Variants in HMGA2 observed in about 807,000 individuals in gnomAD.
The protein encoded by HMGA2 is high mobility group protein HMGI-C.
In HMGA2, 8 loss-of-function variants were observed where a neutral mutation model predicts 19.1. That is an observed-to-expected ratio of 0.42 (90% CI 0.25 to 0.76). The LOEUF is 0.76. Among genes scored for constraint, HMGA2 ranks in the 30% least tolerant of loss-of-function variants. The pLI is 0.28. For synonymous variants in HMGA2, 60 were observed against 48.8 expected (o/e 1.23, Z -0.96); for missense variants, 109 against 136.3 (o/e 0.80, Z 1.00).
intron 3 of HMGA2, among the ~76,000 whole-genome samples, chr12:65,931,551 TTGTGTGTGTGTGTGTGTGTG>T (rs60877869): frequency 1.4e-5 from 2 of 144,148 alleles, no homozygotes; most frequent in Non-Finnish European, 3.1e-5. Flanking sequence ...TTATAGATGT[TTGTGTGTGTGTGTGTGTGTG>T]TGTGTGTGTG....
At chr12:65,869,887 GTCAGACTCTAAAGT>G (rs1872619413) in intron 3 of HMGA2, among the ~76,000 whole-genome samples, 1 of 152,258 alleles carries the variant, frequency 6.6e-6, no homozygotes, top group East Asian at 1.9e-4. Flanking sequence ...ACCCAGGTTT[GTCAGACTCTAAAGT>G]CCATGATTTT....
rs1870141820 is a variant in HMGA2, at chr12:65,825,819, T to C, written c.111+438T>C. 6.6e-6 allele frequency among the ~76,000 whole-genome samples: 1 copy of C among 151,890 alleles called. No homozygotes were observed. Among genetic ancestry groups the C allele is most frequent in the Non-Finnish European group, 1.5e-5 (1 of 67,964 alleles). ...TTCGGCCGATCTGGGCTGAAGGGGC[T>C]AGAGTCTTGGGGGCCGGAGGCTCTT... On this transcript the variant is annotated intron_variant, in intron 1 of 4. Coordinates refer to ENST00000403681, the MANE Select transcript of HMGA2 (RefSeq NM_003483.6). The surrounding 1 kb of genome is among the most constrained non-coding windows in gnomAD (Gnocchi z 4.4).
At chr12:65,845,499 C>G (rs536757362) in intron 3 of HMGA2, among the ~76,000 whole-genome samples, 3 of 152,108 alleles carry the variant, frequency 2.0e-5, no homozygotes, top group Non-Finnish European at 4.4e-5. Context: ...GAACTCCTGA[C>G]TTCAGGTGAT....
intron 3 of HMGA2, among the ~76,000 whole-genome samples, chr12:65,875,589 ATTTTTTTT>A (rs71096056): frequency 7.7e-3 from 200 of 26,060 alleles, no homozygotes; most frequent in African/African-American, 0.01. Flanking sequence ...GTGCCCGGCT[ATTTTTTTT>A]TTTTTTTTTT....
At chr12:65,888,745 A>C (rs1873777998) in intron 3 of HMGA2, among the ~76,000 whole-genome samples, 1 of 151,032 alleles carries the variant, frequency 6.6e-6, no homozygotes, top group South Asian at 2.1e-4. Context: ...TTGTATTTTT[A>C]GTAGAGACGG....
rs77970919 is a variant in HMGA2, at chr12:65,915,116, A to G, written c.250-36267A>G. The G allele has an allele frequency of 3.4e-3, 5,438 of 1,613,748 alleles. 10 individuals carry two copies. The highest frequency in any genetic ancestry group is 3.8e-3 in the Non-Finnish European group (4,532 of 1,179,702). On this transcript the variant is annotated intron_variant, in intron 3 of 4. Transcript: ENST00000403681. ...GAAAACATCTCTGGGAAACAGTACC[A>G]AAAGGAGTCACTGAATTGTCATTGG...
chr12:65,909,618 G>C (rs921517353), intron 3 of HMGA2, among the ~76,000 whole-genome samples: 3 of 152,048 alleles, frequency 2.0e-5, no homozygotes, highest in Admixed American at 2.0e-4. Flanking sequence ...GAAAAAAAAG[G>C]GATGATGAAG....
At chr12:65,852,216 G>A (rs1871510003) in intron 3 of HMGA2, among the ~76,000 whole-genome samples, 1 of 152,126 alleles carries the variant, frequency 6.6e-6, no homozygotes, top group African/African-American at 2.4e-5. Context: ...TCATACACTA[G>A]CTGGATGCGG....
At chr12:65,838,270 A>G (rs1870818612) in intron 2 of HMGA2, among the ~76,000 whole-genome samples, 1 of 152,084 alleles carries the variant, frequency 6.6e-6, no homozygotes, top group Non-Finnish European at 1.5e-5. Flanking sequence ...AGATCACTAC[A>G]GGGGGTGTCT....
intron 3 of HMGA2, among the ~76,000 whole-genome samples, chr12:65,928,893 T>A (rs1366981331): frequency 6.6e-6 from 1 of 152,212 alleles, no homozygotes; most frequent in African/African-American, 2.4e-5. Flanking sequence ...AGATTACACA[T>A]ATATAAAGGA....
intron 3 of HMGA2, among the ~76,000 whole-genome samples, chr12:65,847,301 G>A (rs1317354029): frequency 6.6e-6 from 1 of 152,080 alleles, no homozygotes; most frequent in African/African-American, 2.4e-5. Context: ...CAAAAAGAGG[G>A]AGAAAAAGGG....
chr12:65,913,677 A>G (rs1234014662), intron 3 of HMGA2, among the ~76,000 whole-genome samples: 1 of 152,120 alleles, frequency 6.6e-6, no homozygotes, highest in Non-Finnish European at 1.5e-5. Flanking sequence ...CTAGGTTTGA[A>G]TCTGGGCCGT....
chr12:65,860,702 T>C (rs1451552877), intron 3 of HMGA2, among the ~76,000 whole-genome samples: 1 of 152,210 alleles, frequency 6.6e-6, no homozygotes, highest in East Asian at 1.9e-4. Flanking sequence ...TTGGAAGTTT[T>C]TGTTTTTTCA....
Position 65,937,855 on chromosome 12 carries a change from G to T in HMGA2, c.250-13528G>T, listed in dbSNP as rs547362790. 3.9e-5 allele frequency among the ~76,000 whole-genome samples: 6 copies of T among 152,302 alleles called. No individual in the cohort carries two copies. The South Asian group carries it at 1.2e-3, about 32-fold the overall frequency. On this transcript the variant is annotated intron_variant, in intron 3 of 4. Transcript: ENST00000403681. The stretch of plus-strand genomic sequence containing the variant: ...TGCAGCTGATTTCAGGGTCAAGAGG[G>T]CGCTTCTTACCAACCCTCAAAGACA...
chr12:65,899,186 A>C (rs1237997419), intron 3 of HMGA2, among the ~76,000 whole-genome samples: 3 of 152,010 alleles, frequency 2.0e-5, no homozygotes, highest in African/African-American at 7.2e-5. Flanking sequence ...CCTTCTGGTC[A>C]GTTTATAACT....
At chr12:65,851,148 T>C (rs183574073) in intron 3 of HMGA2, among the ~76,000 whole-genome samples, 28 of 152,352 alleles carry the variant, frequency 1.8e-4, no homozygotes, top group Middle Eastern at 6.8e-3. Flanking sequence ...TTTCTTCTTT[T>C]GTGAAATGAG....
intron 3 of HMGA2, among the ~76,000 whole-genome samples, chr12:65,868,451 G>A (rs1044599597): frequency 7.9e-5 from 12 of 151,990 alleles, no homozygotes; most frequent in Admixed American, 2.0e-4. Context: ...AGTCCACTAC[G>A]ATCGTGGAGG....
chr12:65,915,820 T>C (rs1447925460), intron 3 of HMGA2, among the ~76,000 whole-genome samples: 1 of 152,204 alleles, frequency 6.6e-6, no homozygotes, highest in East Asian at 1.9e-4. Flanking sequence ...CACATTCTAT[T>C]AACAGATTCT....
At chr12:65,847,974 GT>G (rs1233678108) in intron 3 of HMGA2, among the ~76,000 whole-genome samples, 1 of 151,878 alleles carries the variant, frequency 6.6e-6, no homozygotes, top group African/African-American at 2.4e-5. Flanking sequence ...GCTACAGCAG[GT>G]TTTTTTTAAA....
Sources: gnomAD v4.1 joint callset for allele counts (sites outside exome capture counted in the v4.1 genomes callset) on GRCh38, gnomAD v4.1.1 for gene constraint, Gnocchi (gnomAD v3.1) non-coding constraint, MANE v1.5 for transcripts, NCBI Gene and HGNC (gene_info 2026-07-23, HGNC 2026-07-21) for gene names.